MYRIP: variants seen among roughly 807,000 people sequenced by gnomAD.
The protein encoded by MYRIP is myosin VIIA and Rab interacting protein, also known as rab effector MyRIP.
In MYRIP, 49 loss-of-function variants were observed where a neutral mutation model predicts 98.0. That is an observed-to-expected ratio of 0.50 (90% CI 0.40 to 0.63). The LOEUF (loss-of-function observed/expected upper bound fraction) is 0.63, where lower values mean the gene tolerates loss of function less well. Among genes scored for constraint, MYRIP ranks in the 30% least tolerant of loss-of-function variants. The pLI is 0.00. For synonymous variants in MYRIP, 404 were observed against 409.5 expected, an observed-to-expected ratio of 0.99 and a Z score of 0.16; for missense variants, 1,004 against 1,058.2, an observed-to-expected ratio of 0.95 and a Z score of 0.71.
intron 2 of MYRIP, among the ~76,000 whole-genome samples, chr3:39,927,884 C>T (rs1377494902): frequency 3.9e-5 from 6 of 151,958 alleles, no homozygotes; most frequent in Admixed American, 6.6e-5. Context: ...ATTCAACATA[C>T]ATAAATCAAT....
chr3:39,964,463 A>G (rs555473918), intron 2 of MYRIP, among the ~76,000 whole-genome samples: 5 of 152,268 alleles, frequency 3.3e-5, no homozygotes, highest in African/African-American at 1.2e-4. Flanking sequence ...TCTGCTCTCT[A>G]AGAGCCTTCT....
At chr3:39,985,398 A>T (rs1409094808) in intron 2 of MYRIP, among the ~76,000 whole-genome samples, 2 of 112,662 alleles carry the variant, frequency 1.8e-5, no homozygotes, top group South Asian at 7.1e-4. Context: ...TAATTTACAG[A>T]TTCAATGCCA....
At chr3:40,239,582 T>C (rs1952932794) in intron 12 of MYRIP, among the ~76,000 whole-genome samples, 1 of 142,986 alleles carries the variant, frequency 7.0e-6, no homozygotes, top group African/African-American at 2.8e-5. Flanking sequence ...GTTTCCTGAC[T>C]TTTTAATGAT....
intron 8 of MYRIP, among the ~76,000 whole-genome samples, chr3:40,180,116 C>G (rs1488021510): frequency 6.6e-6 from 1 of 152,120 alleles, no homozygotes; most frequent in Non-Finnish European, 1.5e-5. Context: ...TTGCTGTGCC[C>G]TCAGAATGAA....
intron 2 of MYRIP, among the ~76,000 whole-genome samples, chr3:39,902,528 G>T (rs962342792): frequency 2.6e-5 from 4 of 152,136 alleles, no homozygotes; most frequent in Non-Finnish European, 2.9e-5. Context: ...CACAGGGCCT[G>T]GCACACCGTG....
intron 3 of MYRIP, among the ~76,000 whole-genome samples, chr3:40,118,902 C>CA (rs1949339514): frequency 1.3e-5 from 2 of 151,980 alleles, no homozygotes; most frequent in Admixed American, 1.3e-4. Context: ...CTACAAAGGA[C>CA]ATGAACTCAT....
At chr3:39,931,066 G>T (rs534263095) in intron 2 of MYRIP, among the ~76,000 whole-genome samples, 84 of 152,048 alleles carry the variant, frequency 5.5e-4, no homozygotes, top group African/African-American at 2.0e-3. Context: ...GATAACAAAA[G>T]AACAAAAACA....
intron 2 of MYRIP, among the ~76,000 whole-genome samples, chr3:39,940,985 A>G (rs890263901): frequency 2.6e-5 from 4 of 152,162 alleles, no homozygotes; most frequent in Non-Finnish European, 5.9e-5. Context: ...ATTGAGCCCC[A>G]TGGTATGCAT....
Position 40,189,827 on chromosome 3 carries a change from C to A in MYRIP, c.1029C>A (p.Asn343Lys), listed in dbSNP as rs529140495. 9 of 1,608,030 alleles carry A rather than the reference C, an allele frequency of 5.6e-6. No individual in the cohort carries two copies. Among genetic ancestry groups the A allele is most frequent in the African/African-American group, 1.3e-5 (1 of 74,936 alleles). ...WKSVDRLDETNLAPVLQSPDG... is the reference protein window; with the variant it reads ...WKSVDRLDETKLAPVLQSPDG... ...TTTCTCTATCCTCTCCATCCACAGA[C>A]CTGGCCCCAGTTTTGCAGAGCCCCG... is the stretch of plus-strand genomic sequence containing the variant. Residue 343 changes from asparagine (N) to lysine (K), a missense_variant and splice_region_variant, in exon 10 of 17, where the codon AAC becomes AAA. Around this residue, in one of 3 missense-constraint regions of MYRIP, gnomAD observed 880 missense variants for 907.7 expected, o/e 0.97. Transcript: ENST00000302541.
Position 40,002,395 on chromosome 3 carries a change from C to T in MYRIP, c.111-41655C>T, listed in dbSNP as rs556207553. 7.9e-5 allele frequency among the ~76,000 whole-genome samples: 12 copies of T among 152,140 alleles called. 1 individual carries two copies. Among genetic ancestry groups the T allele is most frequent in the African/African-American group, 2.9e-4 (12 of 41,494 alleles). On this transcript the variant is annotated intron_variant, in intron 2 of 16. Transcript: ENST00000302541. ...ACTAAAAATACAAAAATTAGCTGGG[C>T]ATAGTGGCGTGTGCCTGTAATCCCA...
intron 3 of MYRIP, among the ~76,000 whole-genome samples, chr3:40,102,016 C>T (rs1489638811): frequency 1.3e-5 from 2 of 152,108 alleles, no homozygotes; most frequent in South Asian, 2.1e-4. Flanking sequence ...TCTTTAGAGT[C>T]GGTCAGTTTC....
chr3:39,955,551 C>T (rs1315715499), intron 2 of MYRIP, among the ~76,000 whole-genome samples: 19 of 152,250 alleles, frequency 1.2e-4, no homozygotes, highest in South Asian at 8.3e-4. Context: ...AAAGAACAAC[C>T]GGTACCAGCC....
intron 1 of MYRIP, among the ~76,000 whole-genome samples, chr3:39,815,003 G>T (rs1940850779): frequency 6.6e-6 from 1 of 152,130 alleles, no homozygotes; most frequent in South Asian, 2.1e-4. Flanking sequence ...TCATTTTTCA[G>T]TTGAGGTATA....
intron 2 of MYRIP, among the ~76,000 whole-genome samples, chr3:39,963,284 G>C (rs1476514504): frequency 6.6e-6 from 1 of 152,030 alleles, no homozygotes; most frequent in East Asian, 1.9e-4. Context: ...CCCTGTTGGG[G>C]GAATATTTGA....
intron 2 of MYRIP, among the ~76,000 whole-genome samples, chr3:39,969,169 C>T (rs748248778): frequency 6.6e-6 from 1 of 151,970 alleles, no homozygotes; most frequent in Non-Finnish European, 1.5e-5. Flanking sequence ...TTTTGTACAT[C>T]GATTTTGTAT....
intron 3 of MYRIP, among the ~76,000 whole-genome samples, chr3:40,089,739 T>G (rs928540177): frequency 6.6e-6 from 1 of 152,238 alleles, no homozygotes; most frequent in African/African-American, 2.4e-5. Context: ...CTCTGTTGGA[T>G]GTTGCTGGCT....
At chr3:40,097,340 T>G (rs1029911815) in intron 3 of MYRIP, among the ~76,000 whole-genome samples, 4 of 152,262 alleles carry the variant, frequency 2.6e-5, no homozygotes, top group Admixed American at 2.0e-4. Flanking sequence ...GTATGTTGGC[T>G]CCAGGGTTGG....
chr3:40,250,228 G>C lies in MYRIP; in HGVS notation c.2269G>C (p.Asp757His). The C allele has an allele frequency of 1.2e-6, 2 of 1,611,432 alleles. No individual in the cohort carries two copies. Among genetic ancestry groups the C allele is most frequent in the African/African-American group, 2.7e-5 (2 of 74,960 alleles). Residue 757 changes from aspartate to histidine, a missense_variant, in exon 14 of 17, where the codon GAT becomes CAT. Asp to His is a moderately conservative substitution (Grantham distance 81). Transcript: ENST00000302541. ...QVHHAELQIS[D>H]IESRISALTI... Reference sequence around the variant, plus strand: ...GTCTTTCTGTTGCTTTAAGATTTCAGATATTGAGAGCCGGATTTCAGCCCT... The same window carrying C: ...GTCTTTCTGTTGCTTTAAGATTTCACATATTGAGAGCCGGATTTCAGCCCT...
At chr3:39,997,217 A>T (rs1425907273) in intron 2 of MYRIP, among the ~76,000 whole-genome samples, 9 of 152,100 alleles carry the variant, frequency 5.9e-5, no homozygotes, top group Non-Finnish European at 1.3e-4. Context: ...GACACAAAAA[A>T]CCCTTCAAAA....
Sources: allele counts gnomAD v4.1 joint callset (sites outside exome capture counted in the v4.1 genomes callset), GRCh38; gene constraint gnomAD v4.1.1; regional missense constraint gnomAD v4.1.1; transcripts MANE v1.5; gene names NCBI Gene and HGNC (gene_info 2026-07-23, HGNC 2026-07-21).